Variants in PIK3C2G observed in about 807,000 individuals in gnomAD.
PIK3C2G encodes the protein phosphatidylinositol-4-phosphate 3-kinase catalytic subunit type 2 gamma.
In PIK3C2G, 168 loss-of-function variants were observed where a neutral mutation model predicts 181.1. The observed-to-expected ratio is 0.93, with a 90% CI of 0.82 to 1.05. The LOEUF (loss-of-function observed/expected upper bound fraction) is 1.05. Among genes scored for constraint, PIK3C2G ranks in the 50% least tolerant of loss-of-function variants. The pLI is 0.00. For missense variants in PIK3C2G, 1,869 were observed against 1,732.8 expected (o/e 1.08, Z -1.40); for synonymous variants, 573 against 592.2 (o/e 0.97, Z 0.47).
the PIK3C2G span, among the ~76,000 whole-genome samples, chr12:18,669,199 T>C: frequency 1.3e-5 from 2 of 152,126 alleles, no homozygotes; most frequent in East Asian, 3.9e-4. Flanking sequence ...AGTTGAGTAA[T>C]TTTTTTCCAA....
At chr12:18,493,771 G>C (rs1358272943) in intron 20 of PIK3C2G, 2 of 152,210 alleles carry the variant, frequency 1.3e-5, no homozygotes, top group African/African-American at 2.4e-5. Flanking sequence ...CTCAGGTATG[G>C]CTCAATTCGT....
chr12:18,617,028 G>C (rs1470470065), intron 31 of PIK3C2G, among the ~76,000 whole-genome samples: 1 of 152,012 alleles, frequency 6.6e-6, no homozygotes, highest in Admixed American at 6.6e-5. Context: ...TGCAGATAAG[G>C]CCTTCATTTT....
chr12:18,485,030 G>A (rs553415361), intron 18 of PIK3C2G, among the ~76,000 whole-genome samples: 1 of 152,260 alleles, frequency 6.6e-6, no homozygotes, highest in African/African-American at 2.4e-5. Flanking sequence ...CTATTGTGTA[G>A]CTCAATTCTT....
chr12:18,379,836 T>C (rs1257561208), intron 13 of PIK3C2G, among the ~76,000 whole-genome samples: 2 of 152,074 alleles, frequency 1.3e-5, no homozygotes, highest in Non-Finnish European at 2.9e-5. Context: ...GATGGTCCTA[T>C]CACATGCCCT....
intron 26 of PIK3C2G, among the ~76,000 whole-genome samples, chr12:18,559,236 T>G (rs1945166424): frequency 6.6e-6 from 1 of 152,188 alleles, no homozygotes; most frequent in African/African-American, 2.4e-5. Flanking sequence ...CCTAAATCTC[T>G]TACATACAAC....
chr12:18,686,741 T>A, the PIK3C2G span, among the ~76,000 whole-genome samples: 1 of 152,076 alleles, frequency 6.6e-6, no homozygotes, highest in African/African-American at 2.4e-5. Flanking sequence ...CACACTGAAC[T>A]ATAAACTATC....
intron 16 of PIK3C2G, among the ~76,000 whole-genome samples, chr12:18,405,797 T>C (rs1000884462): frequency 2.6e-5 from 4 of 152,220 alleles, no homozygotes; most frequent in African/African-American, 9.6e-5. Flanking sequence ...TGGTACAATA[T>C]AATCTTTTGA....
intron 18 of PIK3C2G, among the ~76,000 whole-genome samples, chr12:18,470,182 A>G (rs1938323897): frequency 6.6e-6 from 1 of 152,114 alleles, no homozygotes; most frequent in Non-Finnish European, 1.5e-5. Flanking sequence ...TCATGAGTGA[A>G]GGTATGTGGC....
At chr12:18,536,170 A>G (rs993647922) in intron 24 of PIK3C2G, among the ~76,000 whole-genome samples, 27 of 152,276 alleles carry the variant, frequency 1.8e-4, no homozygotes, top group African/African-American at 6.5e-4. Flanking sequence ...GAGAGGTTAC[A>G]TGGAGTAACA....
At chr12:18,589,888 G>C (rs1196879194) in intron 29 of PIK3C2G, among the ~76,000 whole-genome samples, 1 of 151,866 alleles carries the variant, frequency 6.6e-6, no homozygotes, top group Non-Finnish European at 1.5e-5. Context: ...CTAGCCTTAA[G>C]CTAGAAGAGG....
At chr12:18,626,901 T>C (rs1254292697) in intron 31 of PIK3C2G, among the ~76,000 whole-genome samples, 1 of 152,060 alleles carries the variant, frequency 6.6e-6, no homozygotes, top group Admixed American at 6.6e-5. Flanking sequence ...GGTTCCTATA[T>C]TTGGATGTTA....
Position 18,328,622 on chromosome 12 carries a change from G to A in PIK3C2G, c.1272+3524G>A, listed in dbSNP as rs117929250. ...CCACCACTATGGAAGTTTTGTATTC[G>A]ACCTTCCTCAGATTTATATGATTCA... On this transcript the variant is annotated intron_variant, in intron 8 of 32. Transcript: ENST00000538779. Among the ~76,000 whole-genome samples the A allele has an allele frequency of 4.8e-3, 731 of 151,882 alleles. 3 individuals carry two copies. Among genetic ancestry groups the A allele is most frequent in the South Asian group, 0.013 (64 of 4,818 alleles).
At chr12:18,649,918 C>T (rs1179358022), downstream of PIK3C2G, among the ~76,000 whole-genome samples, 3 of 152,054 alleles carry the variant, frequency 2.0e-5, no homozygotes, top group Non-Finnish European at 4.4e-5. Flanking sequence ...GAGCATGCTC[C>T]TCTCCACCAC....
chr12:18,324,853 T>C (rs1051274663), intron 7 of PIK3C2G, among the ~76,000 whole-genome samples, 182 bp from the exon 8 acceptor site: 1 of 152,212 alleles, frequency 6.6e-6, no homozygotes, highest in Non-Finnish European at 1.5e-5. Flanking sequence ...GTCTATCAAG[T>C]TATACAAACT....
At chr12:18,255,373 G>T (rs541383585) in intron 1 of PIK3C2G, among the ~76,000 whole-genome samples, 25 of 152,184 alleles carry the variant, frequency 1.6e-4, no homozygotes, top group African/African-American at 4.6e-4. Flanking sequence ...GCTACTGTAG[G>T]AGTTAATACA....
At position 18,325,069 on chromosome 12, in the gene PIK3C2G, T is replaced by A; in HGVS notation, c.1243T>A (p.Phe415Ile). The A allele has an allele frequency of 6.3e-7, 1 of 1,576,364 alleles. No individual in the cohort carries two copies. Among genetic ancestry groups the A allele is most frequent in the Admixed American group, 1.7e-5 (1 of 59,112 alleles). The change falls in exon 8 of 33, where the codon TTC becomes ATC. Residue 415 changes from phenylalanine (F) to isoleucine (I), a missense_variant. By Grantham distance (21) the Phe-to-Ile change is conservative (BLOSUM62 0). Coordinates refer to ENST00000538779, the MANE Select transcript of PIK3C2G (RefSeq NM_001288772.2). Reference protein sequence around the residue: ...CLLTLIRKYDFHLKYLLKTQE... With the variant: ...CLLTLIRKYDIHLKYLLKTQE... Reference sequence around the variant, plus strand: ...CTTAACACTCATCAGAAAATATGACTTCCACCTGAAATACCTATTGAAAAC... The same window carrying A: ...CTTAACACTCATCAGAAAATATGACATCCACCTGAAATACCTATTGAAAAC...
the PIK3C2G span, chr12:18,692,722 A>C: frequency 1.2e-6 from 1 of 840,410 alleles, no homozygotes; most frequent in Non-Finnish European, 1.9e-6. Context: ...AATCATCAAC[A>C]TAAAGAAAAA....
chr12:18,664,746 T>C, the PIK3C2G span, among the ~76,000 whole-genome samples: 2 of 151,558 alleles, frequency 1.3e-5, no homozygotes, highest in African/African-American at 4.8e-5. Flanking sequence ...AGCAAAGACT[T>C]GGAACCAATC....
chr12:18,319,760 T>C (rs1472360282), intron 6 of PIK3C2G, among the ~76,000 whole-genome samples: 1 of 152,200 alleles, frequency 6.6e-6, no homozygotes, highest in African/African-American at 2.4e-5. Flanking sequence ...TTTTTCACTT[T>C]CCTATTTTCC....
Sources: gnomAD v4.1 joint callset for allele counts (sites outside exome capture counted in the v4.1 genomes callset) on GRCh38, gnomAD v4.1.1 for gene constraint, MANE v1.5 for transcripts, NCBI Gene and HGNC (gene_info 2026-07-23, HGNC 2026-07-21) for gene names.